BDH1: variants seen among roughly 807,000 people sequenced by gnomAD.
BDH1 encodes the protein 3-hydroxybutyrate dehydrogenase 1.
Under a neutral mutation model 33.1 loss-of-function variants are expected in BDH1, and 30 were observed. That is an observed-to-expected ratio of 0.91 (90% CI 0.68 to 1.23). The LOEUF (loss-of-function observed/expected upper bound fraction) is 1.23, where lower values mean the gene tolerates loss of function less well. BDH1 is among the 50% of genes most tolerant of loss of function. The probability of loss-of-function intolerance (pLI) is 0.00; values close to 1 mark genes in which losing one functional copy is unlikely to be tolerated. For synonymous variants in BDH1, 190 were observed against 183.6 expected, an observed-to-expected ratio of 1.03 and a Z score of -0.28; for missense variants, 443 against 464.4, an observed-to-expected ratio of 0.95 and a Z score of 0.42.
chr3:197,559,055 T>C (rs920143104), upstream of BDH1, among the ~76,000 whole-genome samples: 11 of 150,284 alleles, frequency 7.3e-5, no homozygotes, highest in African/African-American at 2.7e-4. Flanking sequence ...CAGGCTGGAG[T>C]GCAATGGTGC....
At chr3:197,553,383 G>A (rs1716729987) in intron 2 of BDH1, among the ~76,000 whole-genome samples, 1 of 151,154 alleles carries the variant, frequency 6.6e-6, no homozygotes, top group African/African-American at 2.4e-5. Context: ...ACAAAAATTA[G>A]CTGGGTGTGG....
intron 3 of BDH1, among the ~76,000 whole-genome samples, chr3:197,541,171 G>A (rs1715591697): frequency 6.6e-6 from 1 of 152,218 alleles, no homozygotes; most frequent in African/African-American, 2.4e-5. Context: ...GCTCTCAAAA[G>A]TTAGTTAACA....
chr3:197,550,803 C>T (rs1032161156), intron 2 of BDH1, among the ~76,000 whole-genome samples: 1 of 152,156 alleles, frequency 6.6e-6, no homozygotes, highest in Non-Finnish European at 1.5e-5. Context: ...CCATCTGCCC[C>T]CCAGCTCCAG....
Position 197,516,967 on chromosome 3 carries a change from A to T in BDH1, c.410-2551T>A, listed in dbSNP as rs895527708. ...GAGGTTAAGCACCTTGGTCAATGTC[A>T]CCCAGCTAACAGGCAGGGAGGGTGG... On this transcript the variant is annotated intron_variant, in intron 6 of 7. Coordinates refer to ENST00000392379, the MANE Select transcript of BDH1 (RefSeq NM_203314.3). The surrounding 1 kb of genome is among the most constrained non-coding windows in gnomAD (Gnocchi z 4.2). Among the ~76,000 whole-genome samples, 1 of 152,066 alleles carries T rather than the reference A, an allele frequency of 6.6e-6. No individual in the cohort carries two copies. Among genetic ancestry groups the T allele is most frequent in the African/African-American group, 2.4e-5 (1 of 41,372 alleles).
chr3:197,515,870 TC>T, intron 6 of BDH1: 1 of 220,652 alleles, frequency 4.5e-6, no homozygotes, highest in Non-Finnish European at 7.7e-6. Context: ...GCCACGGCAC[TC>T]CAGCCTGGGT....
chr3:197,551,566 T>C (rs961549906), intron 2 of BDH1, among the ~76,000 whole-genome samples: 1 of 152,212 alleles, frequency 6.6e-6, no homozygotes, highest in Non-Finnish European at 1.5e-5. Context: ...TATACTGATT[T>C]CCTTCCTTTT....
Position 197,521,235 on chromosome 3 carries a change from C to G in BDH1, c.409+1405G>C, listed in dbSNP as rs1307311171. Among the ~76,000 whole-genome samples, 1 of 152,192 alleles carries G rather than the reference C, an allele frequency of 6.6e-6. No homozygotes were observed. Among genetic ancestry groups the G allele is most frequent in the Non-Finnish European group, 1.5e-5 (1 of 68,028 alleles). ...AGCTCAAAGGTAAACTTCATAGATT[C>G]GCTTCTCCAGATGCTGCTGGGCGGC... On this transcript the variant is annotated intron_variant, in intron 6 of 7. Coordinates refer to ENST00000392379, the MANE Select transcript of BDH1 (RefSeq NM_203314.3). The surrounding 1 kb of genome is among the most constrained non-coding windows in gnomAD (Gnocchi z 4.9).
Position 197,523,375 on chromosome 3 carries a change from G to A in BDH1, c.268-594C>T, listed in dbSNP as rs1713763662. On this transcript the variant is annotated intron_variant, in intron 5 of 7. Transcript: ENST00000392379. This position sits in a 1 kb window ranked among gnomAD's most constrained non-coding sequence, Gnocchi z 4.5. ...AGAGCCAGCCTCTAATCCCAGCTCA[G>A]TCACTGAGTAGGCTTTGTGCACTCA... is the stretch of plus-strand genomic sequence containing the variant. 6.6e-6 allele frequency: 1 copy of A among 152,470 alleles called. No homozygotes were observed. Among genetic ancestry groups the A allele is most frequent in the South Asian group, 2.1e-4 (1 of 4,824 alleles). The allele number at this position is 152,470 out of a possible 1,614,324, so 9.4% of individuals were successfully genotyped here.
upstream of BDH1, among the ~76,000 whole-genome samples, chr3:197,559,588 G>T (rs1017848914): frequency 2.6e-5 from 4 of 152,178 alleles, no homozygotes; most frequent in Non-Finnish European, 5.9e-5. Flanking sequence ...GGGGAACCCA[G>T]ATTAAGCCAA....
intron 2 of BDH1, among the ~76,000 whole-genome samples, chr3:197,548,254 C>G (rs58449430): frequency 6.6e-6 from 1 of 151,718 alleles, no homozygotes; most frequent in Non-Finnish European, 1.5e-5. Flanking sequence ...CACAGGCCCA[C>G]GTTGGCTCAG....
At position 197,514,382 on chromosome 3, in the gene BDH1, T is replaced by A. The variant is rs1712458741; in HGVS notation, c.444A>T (p.Ser148=). 4.3e-6 allele frequency: 7 copies of A among 1,612,136 alleles called. No homozygotes were observed. The highest frequency in any genetic ancestry group is 5.9e-6 in the Non-Finnish European group (7 of 1,179,052). ...MWGLVNNAGI[S]TFGEVEFTSL... ...TGGTGAACTCCACCTCCCCGAACGT[T>A]GAGATGCCGGCATTGTTAACGAGGC... is the stretch of plus-strand genomic sequence containing the variant. Residue 148 remains serine (S), a synonymous_variant, in exon 7 of 8, where the codon TCA becomes TCT. Transcript: ENST00000392379. The surrounding 1 kb of genome is among the most constrained non-coding windows in gnomAD (Gnocchi z 4.2).
chr3:197,549,989 G>A (rs187000992), intron 2 of BDH1, among the ~76,000 whole-genome samples: 10,962 of 123,452 alleles, frequency 0.089, 595 homozygotes, highest in African/African-American at 0.13. Flanking sequence ...ATATATATTT[G>A]GCCATTCCTC....
upstream of BDH1, among the ~76,000 whole-genome samples, chr3:197,557,822 T>C (rs1460645474): frequency 2.0e-5 from 3 of 152,228 alleles, no homozygotes; most frequent in Non-Finnish European, 1.5e-5. This position sits in a 1 kb window ranked among gnomAD's most constrained non-coding sequence, Gnocchi z 4.6. Context: ...CATACAGCCT[T>C]GAAGACTGGG....
chr3:197,513,451 CCGGGAGGGCA>C (rs1712320918), intron 7 of BDH1, among the ~76,000 whole-genome samples: 1 of 144,976 alleles, frequency 6.9e-6, no homozygotes, highest in African/African-American at 2.6e-5. Flanking sequence ...AGGTGTGCCC[CCGGGAGGGCA>C]CTCAGCCCAT....
At chr3:197,515,491 C>T in intron 6 of BDH1, 2 of 985,728 alleles carry the variant, frequency 2.0e-6, no homozygotes, top group Non-Finnish European at 2.4e-6. Context: ...CACTCCCCAC[C>T]CGTCATGGCT....
chr3:197,515,584 A>C (rs1002735322), intron 6 of BDH1: 99 of 985,226 alleles, frequency 1.0e-4, no homozygotes, highest in Non-Finnish European at 1.1e-4. Flanking sequence ...ACTGCCCATG[A>C]CTCCATCCCT....
In BDH1 at chr3:197,511,377, TAGTC is replaced by T. The variant is rs1324813596; in HGVS notation, c.*514_*517del. The T allele has an allele frequency of 6.5e-6, 1 of 154,782 alleles. No individual in the cohort carries two copies. The highest frequency in any genetic ancestry group is 1.4e-5 in the Non-Finnish European group (1 of 69,936). 9.6% of individuals were successfully genotyped at this position (154,782 alleles called of 1,614,324 possible). On this transcript the variant is annotated 3_prime_UTR_variant, in exon 8 of 8. Coordinates refer to ENST00000392379, the MANE Select transcript of BDH1 (RefSeq NM_203314.3). ...TGCTGCCCAGATGAGGACACAGAGT[TAGTC>T]AGAAGATTCTCGGGCAAATGGATCC...
chr3:197,557,081 TG>T (rs1435735415), upstream of BDH1, among the ~76,000 whole-genome samples: 1 of 152,226 alleles, frequency 6.6e-6, no homozygotes, highest in Non-Finnish European at 1.5e-5. The surrounding 1 kb of genome is among the most constrained non-coding windows in gnomAD (Gnocchi z 4.6). Context: ...TGCGACCATT[TG>T]TCTCTCATCT....
chr3:197,553,646 G>T (rs985353607), intron 2 of BDH1, among the ~76,000 whole-genome samples: 1 of 152,148 alleles, frequency 6.6e-6, no homozygotes, highest in East Asian at 1.9e-4. Flanking sequence ...AGCAGAAGCA[G>T]GGAGACCCAT....
Sources: allele counts gnomAD v4.1 joint callset (sites outside exome capture counted in the v4.1 genomes callset), GRCh38; gene constraint gnomAD v4.1.1; non-coding constraint Gnocchi (gnomAD v3.1); transcripts MANE v1.5; gene names NCBI Gene and HGNC (gene_info 2026-07-23, HGNC 2026-07-21).